Variants in THSD7A observed in about 807,000 individuals in gnomAD.
The protein encoded by THSD7A is thrombospondin type 1 domain containing 7A, also known as thrombospondin type-1 domain-containing protein 7A.
Under a neutral mutation model 231.3 loss-of-function variants are expected in THSD7A, and 96 were observed. The ratio of observed to expected loss-of-function variants is 0.41; its 90% confidence interval spans 0.35 to 0.49. The LOEUF (loss-of-function observed/expected upper bound fraction) is 0.49, where lower values mean the gene tolerates loss of function less well. Ranked by LOEUF, THSD7A falls within the 20% of genes least tolerant of loss-of-function variation. The pLI is 0.05. For missense variants in THSD7A, 2,290 were observed against 2,070.2 expected, an observed-to-expected ratio of 1.11 and a Z score of -2.06; for synonymous variants, 940 against 743.3, an observed-to-expected ratio of 1.26 and a Z score of -4.30.
At chr7:11,726,811 A>G (rs1781563357) in intron 1 of THSD7A, among the ~76,000 whole-genome samples, 1 of 151,958 alleles carries the variant, frequency 6.6e-6, no homozygotes, top group Admixed American at 6.6e-5. Flanking sequence ...AATAGCACTG[A>G]CTTGGGAATC....
At chr7:11,491,268 A>G (rs111950202) in intron 6 of THSD7A, among the ~76,000 whole-genome samples, 3 of 152,082 alleles carry the variant, frequency 2.0e-5, no homozygotes, top group African/African-American at 7.2e-5. Context: ...TATAGTCCAT[A>G]TTTTATAAAT....
chr7:11,689,892 C>A (rs1780181695), intron 1 of THSD7A, among the ~76,000 whole-genome samples: 1 of 150,338 alleles, frequency 6.7e-6, no homozygotes, highest in African/African-American at 2.4e-5. Context: ...TTTGTATCTG[C>A]CCACATTAAA....
chr7:11,653,543 A>T (rs779637197), intron 1 of THSD7A, among the ~76,000 whole-genome samples: 13 of 148,900 alleles, frequency 8.7e-5, no homozygotes, highest in Non-Finnish European at 1.9e-4. Flanking sequence ...GCTGTAGTGC[A>T]GTGAGTATTC....
intron 8 of THSD7A, among the ~76,000 whole-genome samples, chr7:11,472,209 G>A (rs1785965364): frequency 6.6e-6 from 1 of 152,036 alleles, no homozygotes; most frequent in South Asian, 2.1e-4. Context: ...CCTTTGTACT[G>A]TTTGTATTTA....
intron 19 of THSD7A, among the ~76,000 whole-genome samples, chr7:11,407,687 G>C (rs1783633037): frequency 6.6e-6 from 1 of 152,124 alleles, no homozygotes; most frequent in African/African-American, 2.4e-5. Context: ...AAGCAATGTA[G>C]AAAAGTAGAT....
At chr7:11,422,357 G>A (rs774934216) in intron 16 of THSD7A, among the ~76,000 whole-genome samples, 7 of 152,056 alleles carry the variant, frequency 4.6e-5, no homozygotes, top group Non-Finnish European at 8.8e-5. Flanking sequence ...ATCCTGAAAT[G>A]TTACCCAACA....
chr7:11,529,050 C>A (rs1774325458), intron 6 of THSD7A, among the ~76,000 whole-genome samples: 1 of 152,082 alleles, frequency 6.6e-6, no homozygotes, highest in South Asian at 2.1e-4. Flanking sequence ...AAGTACGATT[C>A]TAGTGACACA....
chr7:11,537,649 C>T (rs971851475), intron 6 of THSD7A, among the ~76,000 whole-genome samples: 1 of 152,154 alleles, frequency 6.6e-6, no homozygotes, highest in Non-Finnish European at 1.5e-5. Flanking sequence ...GCTTCCTGTA[C>T]AGCCTGCAGG....
intron 6 of THSD7A, among the ~76,000 whole-genome samples, chr7:11,526,730 G>A (rs1384417745): frequency 6.6e-6 from 1 of 152,140 alleles, no homozygotes; most frequent in East Asian, 1.9e-4. Context: ...TGCCATGTAA[G>A]ACATGCCTTG....
chr7:11,390,266 CATAGTCCCAT>C (rs1782929347), intron 23 of THSD7A, among the ~76,000 whole-genome samples: 1 of 125,140 alleles, frequency 8.0e-6, no homozygotes, highest in Non-Finnish European at 1.8e-5. Flanking sequence ...AGTCTTTTCA[CATAGTCCCAT>C]ATTTCTTGGA....
intron 6 of THSD7A, among the ~76,000 whole-genome samples, chr7:11,493,572 G>A (rs1029123911): frequency 8.5e-5 from 13 of 152,090 alleles, no homozygotes; most frequent in African/African-American, 3.1e-4. Context: ...AATCCAATAT[G>A]TAAGAAGAAA....
intron 6 of THSD7A, among the ~76,000 whole-genome samples, chr7:11,494,793 T>C (rs1312145223): frequency 6.6e-6 from 1 of 152,064 alleles, no homozygotes; most frequent in East Asian, 1.9e-4. Flanking sequence ...AGCATTCTTA[T>C]GGGCACTTCA....
At chr7:11,667,815 A>C (rs1783203777) in intron 1 of THSD7A, among the ~76,000 whole-genome samples, 1 of 152,200 alleles carries the variant, frequency 6.6e-6, no homozygotes. Context: ...TCTTGAAAAA[A>C]ATCTGAAAGG....
At chr7:11,601,546 T>G (rs1020253331) in intron 2 of THSD7A, among the ~76,000 whole-genome samples, 1 of 152,048 alleles carries the variant, frequency 6.6e-6, no homozygotes, top group East Asian at 1.9e-4. Context: ...TTGTGGGAAA[T>G]AAAGCTTTTA....
At chr7:11,376,078 C>T (rs932684384) in intron 27 of THSD7A, among the ~76,000 whole-genome samples, 200 bp from the exon 28 acceptor site, 1 of 152,042 alleles carries the variant, frequency 6.6e-6, no homozygotes, top group East Asian at 1.9e-4. Flanking sequence ...TCTAAGTAAA[C>T]TTCAAGTGTT....
chr7:11,715,090 C>T (rs1375411402), intron 1 of THSD7A, among the ~76,000 whole-genome samples: 1 of 151,338 alleles, frequency 6.6e-6, no homozygotes, highest in East Asian at 2.0e-4. Context: ...AGGAATTGAA[C>T]ATACTCATTG....
intron 4 of THSD7A, among the ~76,000 whole-genome samples, chr7:11,572,682 T>C (rs191853915): frequency 1.8e-4 from 27 of 152,066 alleles, no homozygotes; most frequent in Admixed American, 1.6e-3. Flanking sequence ...AAATTAATTT[T>C]TTTTTTTGGA....
intron 9 of THSD7A, among the ~76,000 whole-genome samples, chr7:11,464,693 T>C (rs1785631726): frequency 6.6e-6 from 1 of 152,094 alleles, no homozygotes; most frequent in Non-Finnish European, 1.5e-5. Context: ...TTATGAAAAG[T>C]TCAAATTCCT....
chr7:11,784,419 C>A (rs550818061), intron 1 of THSD7A, among the ~76,000 whole-genome samples: 2 of 151,386 alleles, frequency 1.3e-5, no homozygotes, highest in African/African-American at 4.9e-5. Flanking sequence ...ATTAGATATA[C>A]GTTAGTCTGT....
Sources: allele counts gnomAD v4.1 joint callset (sites outside exome capture counted in the v4.1 genomes callset), GRCh38; gene constraint gnomAD v4.1.1; transcripts MANE v1.5; gene names NCBI Gene and HGNC (gene_info 2026-07-23, HGNC 2026-07-21).